Variants in NUDT16L1 observed in about 807,000 individuals in gnomAD.
NUDT16L1 encodes nudix hydrolase 16 like 1.
NUDT16L1 carries 19 observed loss-of-function variants against 17.3 expected under a neutral mutation model. The ratio of observed to expected loss-of-function variants is 1.10; its 90% CI spans 0.77 to 1.61. The LOEUF is 1.61. NUDT16L1 is among the 40% of genes most tolerant of loss of function. NUDT16L1 has a pLI of 0.00. For synonymous variants in NUDT16L1, 255 were observed against 138.6 expected (o/e 1.84, Z -5.90); for missense variants, 341 against 292.0 (o/e 1.17, Z -1.22).
chr16:4,693,638 C>T, upstream of NUDT16L1: 1 of 1,304,606 alleles, frequency 7.7e-7, no homozygotes, highest in Non-Finnish European at 9.8e-7. Flanking sequence ...GACCCGGGGG[C>T]GCGGCCGCCC....
At chr16:4,695,439 T>G in exon 3 of NUDT16L1, 1 of 593,676 alleles carries the variant, frequency 1.7e-6, no homozygotes, top group South Asian at 2.1e-5. Context: ...TTGTTTATTC[T>G]GGGCTCAGAC....
chr16:4,693,670 G>C, upstream of NUDT16L1: 1 of 1,369,402 alleles, frequency 7.3e-7, no homozygotes, highest in East Asian at 3.1e-5. Context: ...AGGCACGGCG[G>C]GGGCGGGCTC....
intron 2 of NUDT16L1, 164 bp from the exon 3 acceptor site, chr16:4,694,794 C>T: frequency 6.9e-7 from 1 of 1,443,670 alleles, no homozygotes; most frequent in Non-Finnish European, 9.1e-7. Flanking sequence ...CTGCACTGCT[C>T]CGAGGGAGCT....
At chr16:4,695,478 G>A in exon 3 of NUDT16L1, 1 of 575,208 alleles carries the variant, frequency 1.7e-6, no homozygotes, top group Non-Finnish European at 3.1e-6. Context: ...ATCACAGCTG[G>A]TAGAGACCCA....
At chr16:4,695,304 A>G (rs1042660400) in exon 3 of NUDT16L1, 14 of 951,920 alleles carry the variant, frequency 1.5e-5, no homozygotes, top group African/African-American at 4.9e-5. Flanking sequence ...GCATCCTGTC[A>G]TCATCTCCAC....
In NUDT16L1 at chr16:4,695,397, A is replaced by T. The variant is rs557247569; in HGVS notation, c.*218A>T. On this transcript the variant is annotated 3_prime_UTR_variant, in exon 3 of 3. Coordinates refer to ENST00000304301, the Ensembl canonical transcript of NUDT16L1. ...AGGCAGAGCAGGGTGGTCCGGGCAC[A>T]CTGGGCCTGCCTCTCCAGCCTCAGG... 2.7e-5 allele frequency: 16 copies of T among 599,926 alleles called. No homozygotes were observed. The African/African-American group carries it at 2.8e-4, about 10-fold the overall frequency. 37.2% of individuals were successfully genotyped at this position (599,926 alleles called of 1,614,324 possible). A position where few individuals can be genotyped will look rare whatever the true frequency, so the allele number is the denominator to read the frequency against.
intron 2 of NUDT16L1, chr16:4,694,499 G>C (rs999678023): frequency 6.6e-7 from 1 of 1,518,800 alleles, no homozygotes; most frequent in African/African-American, 1.4e-5. Flanking sequence ...CTGGGAGTGG[G>C]GGAGTGGGAT....
At chr16:4,694,494 AGT>A in intron 2 of NUDT16L1, 1 of 1,200,400 alleles carries the variant, frequency 8.3e-7, no homozygotes, top group African/African-American at 1.8e-5. Flanking sequence ...CAATCCTGGG[AGT>A]GGGGGAGTGG....
exon 3 of NUDT16L1, chr16:4,695,198 G>C: frequency 6.2e-7 from 1 of 1,607,542 alleles, no homozygotes; most frequent in Non-Finnish European, 8.5e-7. Flanking sequence ...TGAGCTGGTG[G>C]CACCCTCCCC....
exon 1 of NUDT16L1, chr16:4,693,782 G>T: frequency 6.4e-7 from 1 of 1,569,298 alleles, no homozygotes; most frequent in Non-Finnish European, 8.6e-7. Flanking sequence ...GAGGCGATGC[G>T]CCTAGGGCCG....
At chr16:4,694,323 G>A (rs1285509463) in intron 2 of NUDT16L1, 85 bp downstream of exon 2, 1 of 1,491,464 alleles carries the variant, frequency 6.7e-7, no homozygotes, top group Non-Finnish European at 8.9e-7. Context: ...CACGTCTCCT[G>A]AGGGTCCCCT....
rs150759445 is a variant in NUDT16L1 at position 4,694,034 on chromosome 16, C to T, written c.210C>T (p.Arg70=). ...TCCCCGGGGGCTTCGTGGACCGGCG[C>T]TTCTGGTCGCTGGAGGACGGCCTGA... Residue 70 remains arginine (R), a synonymous_variant, in exon 2 of 3, where the codon CGC becomes CGT. Transcript: ENST00000304301. The T allele has an allele frequency of 3.6e-4, 573 of 1,584,528 alleles. 3 individuals carry two copies. The African/African-American group carries it at 7.0e-3, about 19-fold the overall frequency.
At chr16:4,694,131 G>A in exon 2 of NUDT16L1, 1 of 1,589,030 alleles carries the variant, frequency 6.3e-7, no homozygotes, top group Non-Finnish European at 8.5e-7. Flanking sequence ...GCACCTGACC[G>A]AGGGCCCACA....
Position 4,694,928 on chromosome 16 carries a change from G to C in NUDT16L1, c.415-30G>C, listed in dbSNP as rs539032438. The stretch of plus-strand genomic sequence containing the variant: ...GGAGGTGCCATTGTGTGGCAGGCCT[G>C]GCCCCAACCCCTACCTCCTGTCTGC... On this transcript the variant is annotated intron_variant, in intron 2 of 2. Transcript: ENST00000304301. 2.5e-6 allele frequency: 4 copies of C among 1,583,362 alleles called. No homozygotes were observed. In the African/African-American group the frequency reaches 5.4e-5, roughly 21 times the overall value.
Position 4,694,240 on chromosome 16 carries a change from TG to T in NUDT16L1, c.414+6del. ...CACTCGCGCGACCACGGCCTGGAGG[TG>T]GGGCCGCCGCCCGGGCCCCGCCCCC... On this transcript the variant is annotated splice_donor_region_variant and intron_variant, in intron 2 of 2. Transcript: ENST00000304301. 5 of 1,471,628 alleles carry T rather than the reference TG, an allele frequency of 3.4e-6. No individual in the cohort carries two copies. Among genetic ancestry groups the T allele is most frequent in the Non-Finnish European group, 4.5e-6 (5 of 1,118,232 alleles). 91.2% of individuals were successfully genotyped at this position (1,471,628 alleles called of 1,614,324 possible).
chr16:4,694,985 T>C (rs1438313599), exon 3 of NUDT16L1: 4 of 1,611,458 alleles, frequency 2.5e-6, no homozygotes, highest in Non-Finnish European at 3.4e-6. Context: ...GGTCCCGCTG[T>C]ACACCCAGAA....
chr16:4,693,923 G>C, intron 1 of NUDT16L1, 44 bp downstream of exon 1: 1 of 1,490,412 alleles, frequency 6.7e-7, no homozygotes, highest in Non-Finnish European at 8.8e-7. Context: ...GGCGCGGGCG[G>C]GCCCGGGCGG....
At chr16:4,695,312 C>T in exon 3 of NUDT16L1, 4 of 904,670 alleles carry the variant, frequency 4.4e-6, no homozygotes, top group Non-Finnish European at 6.7e-6. Flanking sequence ...TCATCATCTC[C>T]ACTGTCCCAA....
rs200604727 is a variant in NUDT16L1, at chr16:4,695,216, G to C, written c.*37G>C. On this transcript the variant is annotated 3_prime_UTR_variant, in exon 3 of 3. Transcript: ENST00000304301. ...GCTGGTGGCACCCTCCCCTGGGCCG[G>C]AAGACTGGGAATTCCTGCTAAGTGT... The C allele has an allele frequency of 6.3e-4, 1,003 of 1,593,492 alleles. 3 individuals are homozygous for C. In the African/African-American group the frequency reaches 0.012, roughly 19 times the overall value.
Sources: allele counts gnomAD v4.1 joint callset, GRCh38; gene constraint gnomAD v4.1.1; transcripts MANE v1.5; gene names NCBI Gene and HGNC (gene_info 2026-07-23, HGNC 2026-07-21).